CD38: variants seen among roughly 807,000 people sequenced by gnomAD.
The protein encoded by CD38 is CD38 molecule.
CD38 carries 31 observed loss-of-function variants against 36.3 expected under a neutral mutation model. The ratio of observed to expected loss-of-function variants is 0.85; its 90% CI spans 0.64 to 1.15. The LOEUF is 1.15. Among genes scored for constraint, CD38 ranks in the 50% most tolerant of loss-of-function variants. CD38 has a pLI of 0.00. For synonymous variants in CD38, 131 were observed against 135.2 expected (o/e 0.97, Z 0.22); for missense variants, 380 against 371.9 (o/e 1.02, Z -0.18).
chr4:15,838,200 C>T (rs775351791), intron 5 of CD38, 35 bp downstream of exon 5: 1 of 1,405,138 alleles, frequency 7.1e-7, no homozygotes, highest in South Asian at 1.2e-5. Context: ...TTGCAAGTAT[C>T]CTGTTGCAAA....
At chr4:15,791,006 G>A (rs1466228077) in intron 1 of CD38, among the ~76,000 whole-genome samples, 1 of 146,882 alleles carries the variant, frequency 6.8e-6, no homozygotes, top group Non-Finnish European at 1.5e-5. Context: ...GAAGTGAGGA[G>A]CGTCTCCGCC....
intron 1 of CD38, among the ~76,000 whole-genome samples, chr4:15,795,057 G>A (rs187452381): frequency 1.1e-4 from 16 of 152,242 alleles, no homozygotes; most frequent in Admixed American, 9.2e-4. Flanking sequence ...TTTAGAATTG[G>A]CTAGGCATTA....
chr4:15,804,934 C>T (rs1447282496), intron 1 of CD38, among the ~76,000 whole-genome samples: 2 of 152,074 alleles, frequency 1.3e-5, no homozygotes, highest in African/African-American at 2.4e-5. Flanking sequence ...ATTACCAGCA[C>T]AAAGAAATGA....
At chr4:15,805,026 C>A (rs1227612726) in intron 1 of CD38, among the ~76,000 whole-genome samples, 1 of 152,046 alleles carries the variant, frequency 6.6e-6, no homozygotes, top group African/African-American at 2.4e-5. Context: ...TGTCACTTCA[C>A]CCCATAAATA....
intron 4 of CD38, among the ~76,000 whole-genome samples, chr4:15,835,336 T>C (rs1316502792): frequency 6.6e-6 from 1 of 150,758 alleles, no homozygotes; most frequent in Admixed American, 6.6e-5. Context: ...TCCAGTTCCT[T>C]CCATGTTGCT....
At position 15,824,860 on chromosome 4, in the gene CD38, A is replaced by C. The variant is rs746811693; in HGVS notation, c.364-21A>C. The C allele has an allele frequency of 8.1e-6, 13 of 1,600,696 alleles. No individual in the cohort carries two copies. In the Admixed American group the frequency reaches 1.7e-4, roughly 21 times the overall value. ...CATGCTAAATTGATCTCAGTAATAGATTGTATTTATTCTTCCTTAGATTCT... is the reference window on the plus strand; with the variant it reads ...CATGCTAAATTGATCTCAGTAATAGCTTGTATTTATTCTTCCTTAGATTCT... On this transcript the variant is annotated intron_variant, in intron 2 of 7. Coordinates refer to ENST00000226279, the MANE Select transcript of CD38 (RefSeq NM_001775.4).
rs112150323 is a variant in CD38, at chr4:15,801,880, T to C, written c.234-14631T>C. Among the ~76,000 whole-genome samples the C allele has an allele frequency of 7.7e-3, 1,172 of 152,278 alleles. 17 individuals carry two copies. The highest frequency in any genetic ancestry group is 0.027 in the African/African-American group (1,106 of 41,560). ...TGTTGGAAGTTTTTTCTCTAAAAAC[T>C]GGAACAAGATAAGGATGCTTACCCT... is the stretch of plus-strand genomic sequence containing the variant. On this transcript the variant is annotated intron_variant, in intron 1 of 7. Coordinates refer to ENST00000226279, the MANE Select transcript of CD38 (RefSeq NM_001775.4).
intron 2 of CD38, among the ~76,000 whole-genome samples, chr4:15,823,030 C>T (rs760165948): frequency 1.3e-5 from 2 of 152,068 alleles, no homozygotes; most frequent in Non-Finnish European, 2.9e-5. Flanking sequence ...TAAAACTACA[C>T]ATCTGCAGCC....
At chr4:15,834,585 T>G (rs1383369343) in intron 4 of CD38, among the ~76,000 whole-genome samples, 1 of 152,174 alleles carries the variant, frequency 6.6e-6, no homozygotes, top group Non-Finnish European at 1.5e-5. Context: ...ATCCTCTGAT[T>G]CAGGTATTAG....
Position 15,824,934 on chromosome 4 carries a change from G to T in CD38, c.417G>T (p.Gln139His). 1 of 1,613,998 alleles carries T rather than the reference G, an allele frequency of 6.2e-7. No individual in the cohort carries two copies. Among genetic ancestry groups the T allele is most frequent in the Non-Finnish European group, 8.5e-7 (1 of 1,179,922 alleles). ...KDLAHQFTQV[Q>H]RDMFTLEDTL... ...TGGCCCATCAGTTCACACAGGTCCA[G>T]CGGGACATGTTCACCCTGGAGGACA... Residue 139 changes from glutamine to histidine, a missense_variant, in exon 3 of 8, where the codon CAG (glutamine) becomes CAT (histidine). By Grantham distance (24) the Gln-to-His change is conservative. Transcript: ENST00000226279.
At chr4:15,835,091 GTCC>G (rs1266349910) in intron 4 of CD38, among the ~76,000 whole-genome samples, 1 of 152,002 alleles carries the variant, frequency 6.6e-6, no homozygotes, top group African/African-American at 2.4e-5. Context: ...ATTAACTGTA[GTCC>G]TCCTACAGTG....
chr4:15,819,490 G>A (rs930592669), intron 2 of CD38, among the ~76,000 whole-genome samples: 1 of 152,052 alleles, frequency 6.6e-6, no homozygotes, highest in Non-Finnish European at 1.5e-5. Context: ...CTGCAAAGAA[G>A]CTAAGAACCA....
At chr4:15,801,921 A>G (rs1381901958) in intron 1 of CD38, among the ~76,000 whole-genome samples, 1 of 152,202 alleles carries the variant, frequency 6.6e-6, no homozygotes, top group Non-Finnish European at 1.5e-5. Context: ...CTCTGATTCC[A>G]CATAGTACTG....
At chr4:15,822,886 C>T (rs1283557999) in intron 2 of CD38, among the ~76,000 whole-genome samples, 2 of 152,080 alleles carry the variant, frequency 1.3e-5, no homozygotes, top group African/African-American at 4.8e-5. Flanking sequence ...TGATCCTAAG[C>T]AAAAAGAACA....
chr4:15,829,925 TTC>T (rs942378331), intron 3 of CD38, among the ~76,000 whole-genome samples: 1 of 152,184 alleles, frequency 6.6e-6, no homozygotes, highest in African/African-American at 2.4e-5. Flanking sequence ...CAGGAACACA[TTC>T]TTTTTTGTGG....
At chr4:15,807,769 A>T (rs1185044036) in intron 1 of CD38, among the ~76,000 whole-genome samples, 1 of 152,206 alleles carries the variant, frequency 6.6e-6, no homozygotes, top group African/African-American at 2.4e-5. Context: ...ATATTTGCTA[A>T]AACAAAGAGC....
At chr4:15,820,088 C>A (rs751703078) in intron 2 of CD38, among the ~76,000 whole-genome samples, 1 of 152,146 alleles carries the variant, frequency 6.6e-6, no homozygotes, top group Non-Finnish European at 1.5e-5. Context: ...TCATATCTAG[C>A]CAAACTAAGT....
At chr4:15,791,330 G>A (rs1207295411) in intron 1 of CD38, among the ~76,000 whole-genome samples, 1 of 57,296 alleles carries the variant, frequency 1.7e-5, no homozygotes, top group Non-Finnish European at 3.1e-5. Context: ...CCGGCCAGCC[G>A]CCCCGTCCGG....
chr4:15,799,184 T>C (rs1320189617), intron 1 of CD38, among the ~76,000 whole-genome samples: 2 of 152,228 alleles, frequency 1.3e-5, no homozygotes, highest in African/African-American at 4.8e-5. Context: ...AATTTATCTT[T>C]GTGTGTGGTG....
Sources: gnomAD v4.1 joint callset for allele counts (sites outside exome capture counted in the v4.1 genomes callset) on GRCh38, gnomAD v4.1.1 for gene constraint, MANE v1.5 for transcripts, NCBI Gene and HGNC (gene_info 2026-07-23, HGNC 2026-07-21) for gene names.